Variants in MEGF6 observed in about 807,000 individuals in gnomAD.
The protein encoded by MEGF6 is multiple EGF like domains 6, also known as multiple epidermal growth factor-like domains protein 6.
MEGF6 carries 184 observed loss-of-function variants against 207.1 expected under a neutral mutation model. That is an observed-to-expected ratio of 0.89 (90% CI 0.79 to 1.00). The LOEUF (loss-of-function observed/expected upper bound fraction) is 1.00. MEGF6 is among the 50% of genes least tolerant of loss of function. The probability of loss-of-function intolerance (pLI) is 0.00; values close to 1 mark genes in which losing one functional copy is unlikely to be tolerated. For missense variants in MEGF6, 2,282 were observed against 2,202.9 expected, an observed-to-expected ratio of 1.04 and a Z score of -0.72; for synonymous variants, 1,038 against 910.0, an observed-to-expected ratio of 1.14 and a Z score of -2.53.
At chr1:3,580,056 T>C in intron 3 of MEGF6, 127 bp from the exon 4 acceptor site, 1 of 630,802 alleles carries the variant, frequency 1.6e-6, no homozygotes, top group South Asian at 2.3e-5. Flanking sequence ...GTTCTCTCTG[T>C]CCTAGGTCAC....
At position 3,506,107 on chromosome 1, in the gene MEGF6, C is replaced by A. The variant is rs1641106140; in HGVS notation, c.1918+1G>T. On this transcript the variant is annotated splice_donor_variant, in intron 15 of 36. Coordinates refer to ENST00000356575, the MANE Select transcript of MEGF6 (RefSeq NM_001409.4). LOFTEE classifies it high-confidence loss of function. The stretch of plus-strand genomic sequence containing the variant: ...ACACTGGAAGGGGCAGTGAGACTCA[C>A]TGAGGTGGCAGAAGCGGCCGTAGAG... 2 of 1,589,246 alleles carry A rather than the reference C, an allele frequency of 1.3e-6. No homozygotes were observed. The highest frequency in any genetic ancestry group is 1.7e-6 in the Non-Finnish European group (2 of 1,168,294).
intron 4 of MEGF6, among the ~76,000 whole-genome samples, chr1:3,550,427 G>C (rs1642848165): frequency 6.6e-6 from 1 of 152,206 alleles, no homozygotes. Context: ...CTCCTGGGAG[G>C]GTGAGGAAAA....
chr1:3,551,317 T>C (rs1352880151), intron 4 of MEGF6, among the ~76,000 whole-genome samples: 1 of 152,116 alleles, frequency 6.6e-6, no homozygotes, highest in East Asian at 1.9e-4. Flanking sequence ...TGAATCACTC[T>C]GGGAGAGGCT....
rs549282474 is a variant in MEGF6, at chr1:3,537,590, G to A, written c.482-13344C>T. ...CTGGGCTCTGCCCTCACGGACACCT[G>A]CAGCTCACTCTTCCCCGCTCCCACG... On this transcript the variant is annotated intron_variant, in intron 4 of 36. Coordinates refer to ENST00000356575, the MANE Select transcript of MEGF6 (RefSeq NM_001409.4). 1.0e-3 allele frequency among the ~76,000 whole-genome samples: 154 copies of A among 152,374 alleles called. 1 individual carries two copies. The highest frequency in any genetic ancestry group is 3.0e-3 in the African/African-American group (123 of 41,586).
the MEGF6 span, among the ~76,000 whole-genome samples, chr1:3,618,082 C>T: frequency 1.1e-3 from 165 of 152,268 alleles, no homozygotes; most frequent in Non-Finnish European, 2.0e-3. This position sits in a 1 kb window ranked among gnomAD's most constrained non-coding sequence, Gnocchi z 4.7. Flanking sequence ...CTTAGCAGCA[C>T]CTACACACAG....
At chr1:3,524,757 C>T (rs1427869336) in intron 4 of MEGF6, among the ~76,000 whole-genome samples, 1 of 152,154 alleles carries the variant, frequency 6.6e-6, no homozygotes, top group Admixed American at 6.5e-5. Context: ...TCCAGTGAGG[C>T]CTTGTCTGGA....
intron 25 of MEGF6, 89 bp downstream of exon 25, chr1:3,498,609 C>A: frequency 6.7e-7 from 1 of 1,482,780 alleles, no homozygotes; most frequent in African/African-American, 1.4e-5. Flanking sequence ...CAGGGCGCTG[C>A]CCCCTGACCT....
intron 29 of MEGF6, among the ~76,000 whole-genome samples, chr1:3,496,259 G>A (rs998095247): frequency 2.0e-5 from 3 of 152,150 alleles, no homozygotes; most frequent in African/African-American, 4.8e-5. Context: ...CGCCCACCCC[G>A]CCAGCTCTGC....
intron 4 of MEGF6, among the ~76,000 whole-genome samples, chr1:3,554,138 C>A (rs766737483): frequency 6.6e-6 from 1 of 152,086 alleles, no homozygotes; most frequent in Non-Finnish European, 1.5e-5. Flanking sequence ...GCACATGCGC[C>A]CCATCCCGCC....
At chr1:3,591,177 G>C (rs1643971226) in intron 3 of MEGF6, among the ~76,000 whole-genome samples, 1 of 152,238 alleles carries the variant, frequency 6.6e-6, no homozygotes. Context: ...AGCCAGCAGA[G>C]ATGGGAAGCG....
intron 4 of MEGF6, 101 bp downstream of exon 4, chr1:3,579,724 T>G: frequency 1.3e-6 from 1 of 776,956 alleles, no homozygotes; most frequent in Non-Finnish European, 1.9e-6. Flanking sequence ...GGGTGTCCCC[T>G]ACACAGCTGT....
chr1:3,539,324 C>T (rs1210027252), intron 4 of MEGF6, among the ~76,000 whole-genome samples: 1 of 152,042 alleles, frequency 6.6e-6, no homozygotes, highest in African/African-American at 2.4e-5. Context: ...AGCAGAGATG[C>T]ATGGGGGAGG....
chr1:3,524,785 T>C (rs774598229), intron 4 of MEGF6, among the ~76,000 whole-genome samples: 13 of 152,188 alleles, frequency 8.5e-5, no homozygotes, highest in Non-Finnish European at 1.5e-4. Context: ...TCTTGGCAGC[T>C]GTCCTAAGTT....
chr1:3,618,740 A>T, the MEGF6 span, among the ~76,000 whole-genome samples: 2 of 152,096 alleles, frequency 1.3e-5, no homozygotes, highest in African/African-American at 2.4e-5. The surrounding 1 kb of genome is among the most constrained non-coding windows in gnomAD (Gnocchi z 4.7). Context: ...GCCCTCGTAC[A>T]CAGCCCTGGG....
intron 4 of MEGF6, among the ~76,000 whole-genome samples, chr1:3,546,608 G>T (rs1353399023): frequency 6.7e-6 from 1 of 149,860 alleles, no homozygotes; most frequent in Non-Finnish European, 1.5e-5. Context: ...GGCTGGGAAG[G>T]AGGGTGCCAG....
the MEGF6 span, among the ~76,000 whole-genome samples, chr1:3,619,514 G>A: frequency 5.3e-5 from 8 of 151,480 alleles, no homozygotes; most frequent in Non-Finnish European, 1.2e-4. Flanking sequence ...GGCCTGGTGG[G>A]AAGAGATTGC....
chr1:3,592,476 G>T (rs1185491357), intron 3 of MEGF6, among the ~76,000 whole-genome samples: 3 of 152,082 alleles, frequency 2.0e-5, no homozygotes, highest in African/African-American at 4.8e-5. Flanking sequence ...GGCCACAGGA[G>T]AAGCATCTGC....
At chr1:3,502,089 C>T (rs994948518) in intron 17 of MEGF6, among the ~76,000 whole-genome samples, 168 bp from the exon 18 acceptor site, 1 of 52,854 alleles carries the variant, frequency 1.9e-5, no homozygotes, top group South Asian at 6.6e-4. Context: ...GTGTGCCCCC[C>T]CGCGCCTCCT....
At chr1:3,551,836 C>A (rs1642894859) in intron 4 of MEGF6, among the ~76,000 whole-genome samples, 1 of 152,160 alleles carries the variant, frequency 6.6e-6, no homozygotes, top group South Asian at 2.1e-4. Flanking sequence ...CCGAGGCCAC[C>A]CTCTGGGAGC....
Sources: allele counts gnomAD v4.1 joint callset (sites outside exome capture counted in the v4.1 genomes callset), GRCh38; gene constraint gnomAD v4.1.1; non-coding constraint Gnocchi (gnomAD v3.1); transcripts MANE v1.5; gene names NCBI Gene and HGNC (gene_info 2026-07-23, HGNC 2026-07-21).